The following TMTC2 variants were observed in gnomAD, a reference collection of about 807,000 sequenced individuals.
TMTC2 encodes protein O-mannosyl-transferase TMTC2.
TMTC2 carries 43 observed loss-of-function variants against 82.4 expected under a neutral mutation model. The observed-to-expected ratio is 0.52, with a 90% confidence interval of 0.41 to 0.67. The LOEUF is 0.67. TMTC2 is among the 30% of genes least tolerant of loss of function. TMTC2 has a pLI of 0.00. For missense variants in TMTC2, 919 were observed against 1,012.4 expected (o/e 0.91, Z 1.25); for synonymous variants, 408 against 381.9 (o/e 1.07, Z -0.80).
At chr12:82,953,597 G>A (rs1278479589) in intron 4 of TMTC2, among the ~76,000 whole-genome samples, 1 of 152,054 alleles carries the variant, frequency 6.6e-6, no homozygotes, top group African/African-American at 2.4e-5. Flanking sequence ...TTAAAACTAA[G>A]CATAATTCTT....
At chr12:82,708,751 C>T (rs1873490030) in intron 1 of TMTC2, among the ~76,000 whole-genome samples, 1 of 152,190 alleles carries the variant, frequency 6.6e-6, no homozygotes, top group African/African-American at 2.4e-5. Flanking sequence ...CCTGTGTTTC[C>T]AAGCAGTTGT....
chr12:83,031,533 T>G (rs538534386), intron 9 of TMTC2, among the ~76,000 whole-genome samples: 1 of 152,346 alleles, frequency 6.6e-6, no homozygotes, highest in South Asian at 2.1e-4. Context: ...TGTGCTTATT[T>G]CTACCAGATT....
chr12:82,800,780 G>A (rs572030348), intron 1 of TMTC2, among the ~76,000 whole-genome samples: 6 of 152,098 alleles, frequency 3.9e-5, no homozygotes, highest in Non-Finnish European at 5.9e-5. Flanking sequence ...TTAACTGGTA[G>A]AGTCAAATCC....
intron 11 of TMTC2, among the ~76,000 whole-genome samples, chr12:83,095,929 G>A (rs1884014037): frequency 1.3e-5 from 2 of 152,308 alleles, no homozygotes; most frequent in Non-Finnish European, 2.9e-5. Flanking sequence ...TTCTAGATCT[G>A]AAGTCAGAAC....
Position 82,968,773 on chromosome 12 carries a change from C to G in TMTC2, c.1948+1776C>G, listed in dbSNP as rs536771958. On this transcript the variant is annotated intron_variant, in intron 7 of 11. Coordinates refer to ENST00000321196, the MANE Select transcript of TMTC2 (RefSeq NM_152588.3). ...CTCATATGGTTACACAGATGCTCAGCTCACACAGGCAGCAAAAGATAAGTG... is the reference window on the plus strand; with the variant it reads ...CTCATATGGTTACACAGATGCTCAGGTCACACAGGCAGCAAAAGATAAGTG... Among the ~76,000 whole-genome samples the G allele has an allele frequency of 9.2e-5, 14 of 152,234 alleles. No homozygotes were observed. In the East Asian group the frequency reaches 1.4e-3, roughly 15 times the overall value.
chr12:82,723,752 G>T (rs537117598), intron 1 of TMTC2, among the ~76,000 whole-genome samples: 63 of 152,218 alleles, frequency 4.1e-4, no homozygotes, highest in African/African-American at 1.5e-3. Context: ...AACCTATATG[G>T]CCTTTCCTGC....
At chr12:82,890,240 T>C (rs1012637523) in intron 2 of TMTC2, among the ~76,000 whole-genome samples, 1 of 152,044 alleles carries the variant, frequency 6.6e-6, no homozygotes, top group Non-Finnish European at 1.5e-5. Flanking sequence ...CTGGCTATAT[T>C]ATTAATTCAT....
intron 1 of TMTC2, among the ~76,000 whole-genome samples, chr12:82,797,075 C>T (rs1033314089): frequency 6.6e-6 from 1 of 152,040 alleles, no homozygotes; most frequent in Admixed American, 6.6e-5. Flanking sequence ...GTTGCCTTTC[C>T]GATGCAGACT....
At chr12:82,709,132 T>A (rs1326505043) in intron 1 of TMTC2, among the ~76,000 whole-genome samples, 2 of 152,002 alleles carry the variant, frequency 1.3e-5, no homozygotes, top group Non-Finnish European at 2.9e-5. Flanking sequence ...TTTGCCGTGA[T>A]CTGGATTGCT....
At chr12:83,067,387 G>A (rs1257027938) in intron 11 of TMTC2, among the ~76,000 whole-genome samples, 4 of 151,900 alleles carry the variant, frequency 2.6e-5, no homozygotes, top group African/African-American at 7.2e-5. Context: ...TGTTAAATAG[G>A]ATACTAAAAA....
At chr12:83,001,653 A>G (rs1879931200) in intron 8 of TMTC2, among the ~76,000 whole-genome samples, 1 of 151,066 alleles carries the variant, frequency 6.6e-6, no homozygotes. Flanking sequence ...AAAAAAAAAA[A>G]AGAAAAAGAA....
At chr12:82,947,510 T>C (rs1402091115) in intron 4 of TMTC2, among the ~76,000 whole-genome samples, 1 of 136,118 alleles carries the variant, frequency 7.3e-6, no homozygotes, top group Non-Finnish European at 1.5e-5. Context: ...GCCCGGCTAA[T>C]TTTTTGTATT....
At chr12:83,013,734 T>C (rs183857840) in intron 8 of TMTC2, among the ~76,000 whole-genome samples, 2 of 152,330 alleles carry the variant, frequency 1.3e-5, no homozygotes, top group Non-Finnish European at 2.9e-5. Flanking sequence ...ATTTGTATAC[T>C]GCAATATTCG....
intron 1 of TMTC2, among the ~76,000 whole-genome samples, chr12:82,848,254 G>A (rs1870795705): frequency 6.6e-6 from 1 of 152,088 alleles, no homozygotes; most frequent in African/African-American, 2.4e-5. Context: ...GACTTGCCAT[G>A]CTCTCTCCTG....
chr12:82,867,879 C>G (rs1226768835), intron 2 of TMTC2, among the ~76,000 whole-genome samples: 1 of 152,080 alleles, frequency 6.6e-6, no homozygotes, highest in African/African-American at 2.4e-5. Flanking sequence ...CTGCTGTTTA[C>G]TTTGAATAAC....
At chr12:83,066,098 A>G (rs1260968544) in intron 11 of TMTC2, among the ~76,000 whole-genome samples, 1 of 151,970 alleles carries the variant, frequency 6.6e-6, no homozygotes, top group African/African-American at 2.4e-5. Context: ...GTACAATCTA[A>G]TGTGGGGAGG....
intron 1 of TMTC2, among the ~76,000 whole-genome samples, chr12:82,789,225 G>C (rs12368738): frequency 0.22 from 33,852 of 152,040 alleles, 4,302 homozygotes; most frequent in Middle Eastern, 0.4. Flanking sequence ...GTGAATTGCA[G>C]GTGTAGGAGG....
At chr12:83,014,037 A>G (rs543351157) in intron 8 of TMTC2, among the ~76,000 whole-genome samples, 7 of 152,368 alleles carry the variant, frequency 4.6e-5, no homozygotes, top group Admixed American at 1.3e-4. Flanking sequence ...CTGAACTCTA[A>G]GGCAAATTTT....
intron 3 of TMTC2, among the ~76,000 whole-genome samples, chr12:82,912,311 G>T (rs868555100): frequency 6.6e-6 from 1 of 152,162 alleles, no homozygotes; most frequent in African/African-American, 2.4e-5. Flanking sequence ...AAGATGCCTG[G>T]AATAGCAGAG....
Sources: gnomAD v4.1 joint callset for allele counts (sites outside exome capture counted in the v4.1 genomes callset) on GRCh38, gnomAD v4.1.1 for gene constraint, MANE v1.5 for transcripts, NCBI Gene and HGNC (gene_info 2026-07-23, HGNC 2026-07-21) for gene names.